Variants in PEX7 observed in about 807,000 individuals in gnomAD.
PEX7 encodes PTS2 receptor.
A neutral mutation model predicts 47.5 loss-of-function variants in PEX7; 34 were observed. That is an observed-to-expected ratio of 0.72 (90% CI 0.54 to 0.95). The LOEUF (loss-of-function observed/expected upper bound fraction) is 0.95, where lower values mean the gene tolerates loss of function less well. PEX7 is among the 40% of genes least tolerant of loss of function. The pLI, the probability that PEX7 is intolerant of heterozygous loss-of-function variation, is 0.00. For synonymous variants in PEX7, 141 were observed against 148.8 expected (o/e 0.95, Z 0.38); for missense variants, 394 against 400.3 (o/e 0.98, Z 0.13).
chr6:136,900,128 T>G lies in PEX7; in HGVS notation c.903+1887T>G, dbSNP rs561196644. The G allele has an allele frequency of 3.0e-4, 47 of 154,342 alleles. 1 individual carries two copies. Among genetic ancestry groups the G allele is most frequent in the African/African-American group, 1.1e-3 (44 of 41,598 alleles). 9.6% of individuals were successfully genotyped at this position (154,342 alleles called of 1,614,324 possible). A position where few individuals can be genotyped will look rare whatever the true frequency, so the allele number is the denominator to read the frequency against. On this transcript the variant is annotated intron_variant, in intron 9 of 9. Coordinates refer to ENST00000318471, the MANE Select transcript of PEX7 (RefSeq NM_000288.4). This position sits in a 1 kb window ranked among gnomAD's most constrained non-coding sequence, Gnocchi z 4.2. ...CGCTTCCTCGCCCAGGTCTGAAGAA[T>G]ACCAGATGTTTTCTAAATCCTCCAC...
chr6:136,861,657 T>C (rs1774965501), intron 5 of PEX7, among the ~76,000 whole-genome samples: 1 of 151,914 alleles, frequency 6.6e-6, no homozygotes, highest in Non-Finnish European at 1.5e-5. Flanking sequence ...AGTGATTTCC[T>C]TTGCCTGCAA....
At chr6:136,860,905 C>T (rs78397744) in intron 5 of PEX7, among the ~76,000 whole-genome samples, 6,579 of 152,204 alleles carry the variant, frequency 0.043, 167 homozygotes, top group African/African-American at 0.078. Context: ...ACGTCCCACC[C>T]CAGGTGACCA....
intron 3 of PEX7, among the ~76,000 whole-genome samples, chr6:136,843,644 G>A (rs1774543096): frequency 6.6e-6 from 1 of 152,168 alleles, no homozygotes; most frequent in African/African-American, 2.4e-5. Context: ...GAAATTTAGA[G>A]GATAAAATCA....
chr6:136,866,965 G>T (rs537499450), intron 6 of PEX7, among the ~76,000 whole-genome samples: 1 of 152,264 alleles, frequency 6.6e-6, no homozygotes, highest in East Asian at 1.9e-4. Flanking sequence ...GTTCAACAGT[G>T]CAGGCTTACT....
chr6:136,910,180 T>C (rs954165285), intron 9 of PEX7, among the ~76,000 whole-genome samples: 1 of 152,212 alleles, frequency 6.6e-6, no homozygotes, highest in African/African-American at 2.4e-5. Flanking sequence ...ACCTCTGAAA[T>C]TGTAATCTAT....
At chr6:136,842,643 T>G (rs1281856003) in intron 3 of PEX7, among the ~76,000 whole-genome samples, 1 of 152,228 alleles carries the variant, frequency 6.6e-6, no homozygotes, top group African/African-American at 2.4e-5. Flanking sequence ...AAAGAAAAAT[T>G]TAATTGGTTA....
chr6:136,851,966 A>G (rs1291339786), intron 5 of PEX7, among the ~76,000 whole-genome samples: 1 of 87,180 alleles, frequency 1.1e-5, no homozygotes, highest in African/African-American at 5.8e-5. Context: ...GTTCACTCTG[A>G]TGGTAGTTTC....
At chr6:136,884,373 T>G (rs1029861923) in intron 8 of PEX7, among the ~76,000 whole-genome samples, 1 of 152,174 alleles carries the variant, frequency 6.6e-6, no homozygotes, top group East Asian at 1.9e-4. Flanking sequence ...GAAAAAGATT[T>G]CAGATATAAG....
At position 136,822,796 on chromosome 6, in the gene PEX7, G is replaced by T. The variant is rs267608253; in HGVS notation, c.130+1G>T. 1 of 1,313,958 alleles carries T rather than the reference G, an allele frequency of 7.6e-7. No homozygotes were observed. The highest frequency in any genetic ancestry group is 9.6e-7 in the Non-Finnish European group (1 of 1,037,188). The allele number at this position is 1,313,958 out of a possible 1,614,324, so 81.4% of individuals were successfully genotyped here. A position where few individuals can be genotyped will look rare whatever the true frequency, so the allele number is the denominator to read the frequency against. ...ACCGCGCAGCACTACGGCATCGCGG[G>T]TGAGGCGGCGCCGCGCAGCTGGGGC... On this transcript the variant is annotated splice_donor_variant, in intron 1 of 9. Coordinates refer to ENST00000318471, the MANE Select transcript of PEX7 (RefSeq NM_000288.4). LOFTEE classifies it high-confidence loss of function.
intron 5 of PEX7, among the ~76,000 whole-genome samples, chr6:136,849,144 T>G (rs1424185207): frequency 6.6e-6 from 1 of 152,170 alleles, no homozygotes; most frequent in Non-Finnish European, 1.5e-5. Context: ...TGCATAGAGG[T>G]GTTTATAGTA....
intron 8 of PEX7, among the ~76,000 whole-genome samples, chr6:136,890,759 G>A (rs1049655264): frequency 1.3e-5 from 2 of 152,180 alleles, no homozygotes; most frequent in African/African-American, 4.8e-5. Flanking sequence ...AGCATAGGCA[G>A]CTGCTGTAAG....
intron 5 of PEX7, among the ~76,000 whole-genome samples, chr6:136,862,258 A>T: frequency 6.8e-6 from 1 of 147,142 alleles, no homozygotes. Flanking sequence ...TTGTATTTTT[A>T]GTAGAGACAG....
At chr6:136,882,315 C>G (rs1174317244) in intron 8 of PEX7, among the ~76,000 whole-genome samples, 1 of 151,382 alleles carries the variant, frequency 6.6e-6, no homozygotes, top group Non-Finnish European at 1.5e-5. Context: ...CTATCTGGGA[C>G]TACAGGCACA....
Position 136,841,394 on chromosome 6 carries a change from C to G in PEX7, c.340-4221C>G, listed in dbSNP as rs184242330. Among the ~76,000 whole-genome samples the G allele has an allele frequency of 2.0e-3, 303 of 152,282 alleles. 4 individuals are homozygous for G. Among genetic ancestry groups the G allele is most frequent in the Admixed American group, 0.017 (263 of 15,298 alleles). On this transcript the variant is annotated intron_variant, in intron 3 of 9. Coordinates refer to ENST00000318471, the MANE Select transcript of PEX7 (RefSeq NM_000288.4). ...TGTTATCTTGCAGTGTTCACTACCCCCGATCCCTAGGGTGCTGTATATTCC... is the reference window on the plus strand; with the variant it reads ...TGTTATCTTGCAGTGTTCACTACCCGCGATCCCTAGGGTGCTGTATATTCC...
chr6:136,883,424 A>G (rs1005469031), intron 8 of PEX7, among the ~76,000 whole-genome samples: 1 of 152,114 alleles, frequency 6.6e-6, no homozygotes, highest in Non-Finnish European at 1.5e-5. Context: ...AGCATTTGTC[A>G]TGCTGAACCT....
chr6:136,825,829 A>G (rs1222681537), intron 2 of PEX7, among the ~76,000 whole-genome samples: 4 of 152,120 alleles, frequency 2.6e-5, no homozygotes, highest in Non-Finnish European at 5.9e-5. Flanking sequence ...CACTGGGCCC[A>G]GCCTAAAAAT....
chr6:136,859,941 T>G (rs1774927490), intron 5 of PEX7, among the ~76,000 whole-genome samples: 3 of 151,844 alleles, frequency 2.0e-5, no homozygotes, highest in Admixed American at 2.0e-4. Context: ...GGAGAATCGC[T>G]TGAACCCTGG....
intron 5 of PEX7, among the ~76,000 whole-genome samples, chr6:136,848,026 A>G (rs1406130724): frequency 6.6e-6 from 1 of 152,058 alleles, no homozygotes. Flanking sequence ...TTCGTTGAGG[A>G]GTGGTTTGTA....
chr6:136,839,450 G>A (rs1357417351), intron 3 of PEX7, among the ~76,000 whole-genome samples: 1 of 152,182 alleles, frequency 6.6e-6, no homozygotes, highest in Non-Finnish European at 1.5e-5. Context: ...TGGTTTTGAT[G>A]AGGTTCAGAT....
Sources: allele counts gnomAD v4.1 joint callset (sites outside exome capture counted in the v4.1 genomes callset), GRCh38; gene constraint gnomAD v4.1.1; non-coding constraint Gnocchi (gnomAD v3.1); transcripts MANE v1.5; gene names NCBI Gene and HGNC (gene_info 2026-07-23, HGNC 2026-07-21).